SLC25A26: variants seen among roughly 807,000 people sequenced by gnomAD.
SLC25A26 encodes mitochondrial S-adenosylmethionine carrier protein.
Under a neutral mutation model 37.8 loss-of-function variants are expected in SLC25A26, and 36 were observed. That is an observed-to-expected ratio of 0.95 (90% CI 0.73 to 1.26). The LOEUF is 1.26. SLC25A26 is among the 50% of genes most tolerant of loss of function. SLC25A26 has a pLI of 0.00. For synonymous variants in SLC25A26, 129 were observed against 122.5 expected (o/e 1.05, Z -0.35); for missense variants, 390 against 331.1 (o/e 1.18, Z -1.38).
intron 5 of SLC25A26, among the ~76,000 whole-genome samples, chr3:66,286,501 G>C (rs1275280780): frequency 6.6e-6 from 1 of 151,928 alleles, no homozygotes; most frequent in African/African-American, 2.4e-5. Context: ...AAATCAGTTG[G>C]CCAGATTTGT....
At chr3:66,245,318 T>C (rs58879719) in intron 3 of SLC25A26, among the ~76,000 whole-genome samples, 41,055 of 151,290 alleles carry the variant, frequency 0.27, 5,873 homozygotes, top group Admixed American at 0.32. Context: ...AAATAAAAGT[T>C]TCTTCATTCC....
chr3:66,199,749 T>G (rs1201056674), intron 1 of SLC25A26, among the ~76,000 whole-genome samples: 2 of 152,008 alleles, frequency 1.3e-5, no homozygotes, highest in Non-Finnish European at 2.9e-5. Flanking sequence ...GACCCCCAGC[T>G]GCACCCTGTC....
At chr3:66,167,116 A>C (rs1277276537) in intron 1 of SLC25A26, among the ~76,000 whole-genome samples, 5 of 152,132 alleles carry the variant, frequency 3.3e-5, no homozygotes, top group Non-Finnish European at 7.4e-5. Context: ...TTTCCTTATA[A>C]ATTACTCAGG....
chr3:66,362,017 C>T (rs2076719478), intron 6 of SLC25A26, among the ~76,000 whole-genome samples: 1 of 151,938 alleles, frequency 6.6e-6, no homozygotes, highest in African/African-American at 2.4e-5. Context: ...AACACACTTG[C>T]TAGAATGATT....
At chr3:66,247,445 C>T (rs2072901834) in intron 3 of SLC25A26, among the ~76,000 whole-genome samples, 1 of 152,006 alleles carries the variant, frequency 6.6e-6, no homozygotes, top group South Asian at 2.1e-4. Context: ...GTAGCTGGGA[C>T]TGTAGGCAGG....
At chr3:66,312,345 A>T (rs537594383) in intron 5 of SLC25A26, among the ~76,000 whole-genome samples, 1 of 152,028 alleles carries the variant, frequency 6.6e-6, no homozygotes, top group African/African-American at 2.4e-5. Flanking sequence ...ACCAAACCCA[A>T]TCACCCCAGG....
chr3:66,349,655 G>A (rs749220564), intron 6 of SLC25A26, among the ~76,000 whole-genome samples: 21 of 152,028 alleles, frequency 1.4e-4, no homozygotes, highest in African/African-American at 3.6e-4. Flanking sequence ...TAAAGCTGTC[G>A]TAAGTATTTG....
chr3:66,313,566 T>G (rs187119246), intron 5 of SLC25A26, among the ~76,000 whole-genome samples: 96 of 152,332 alleles, frequency 6.3e-4, no homozygotes, highest in African/African-American at 2.2e-3. Flanking sequence ...TGCCTCCAGC[T>G]TTGTTCTTTT....
chr3:66,313,643 C>T lies in SLC25A26; in HGVS notation c.454-32721C>T, dbSNP rs921298540. On this transcript the variant is annotated intron_variant, in intron 5 of 9. Transcript: ENST00000354883. ...CATATGAATTTTAAAATAGTTTCTT[C>T]TGATTCTGTGAAGAATGTTAATGGT... Among the ~76,000 whole-genome samples, 17 of 152,194 alleles carry T rather than the reference C, an allele frequency of 1.1e-4. 1 individual carries two copies. The East Asian group carries it at 2.9e-3, about 26-fold the overall frequency.
chr3:66,152,345 G>A (rs1160857114), intron 1 of SLC25A26, among the ~76,000 whole-genome samples: 4 of 152,312 alleles, frequency 2.6e-5, no homozygotes, highest in African/African-American at 9.6e-5. Context: ...CAATGAGGAT[G>A]CTTTTGGTTG....
At chr3:66,187,817 G>A (rs1042174312) in intron 1 of SLC25A26, among the ~76,000 whole-genome samples, 11 of 151,746 alleles carry the variant, frequency 7.2e-5, no homozygotes, top group South Asian at 2.1e-4. Flanking sequence ...CAATGACCCT[G>A]ACCCTCACTT....
chr3:66,343,825 T>G (rs2076261405), intron 5 of SLC25A26, among the ~76,000 whole-genome samples: 1 of 152,218 alleles, frequency 6.6e-6, no homozygotes, highest in Admixed American at 6.5e-5. Context: ...TAGAAAAGCT[T>G]TTAGAAACCT....
chr3:66,242,653 G>T (rs1013286577), intron 2 of SLC25A26, among the ~76,000 whole-genome samples: 2 of 146,942 alleles, frequency 1.4e-5, no homozygotes, highest in African/African-American at 4.9e-5. Context: ...ATTGTGATAG[G>T]GGTAGCTTTT....
At chr3:66,373,875 G>A (rs1180358419) in intron 9 of SLC25A26, among the ~76,000 whole-genome samples, 2 of 152,016 alleles carry the variant, frequency 1.3e-5, no homozygotes. Context: ...TGCAAACAGA[G>A]GGAGGCTGCT....
At chr3:66,196,061 C>G (rs1207254643) in intron 1 of SLC25A26, among the ~76,000 whole-genome samples, 5 of 152,224 alleles carry the variant, frequency 3.3e-5, no homozygotes, top group African/African-American at 1.2e-4. Flanking sequence ...CATTTATCCT[C>G]TGCATAGACT....
intron 3 of SLC25A26, among the ~76,000 whole-genome samples, chr3:66,259,375 T>C (rs1229356094): frequency 6.6e-6 from 1 of 152,220 alleles, no homozygotes; most frequent in African/African-American, 2.4e-5. Flanking sequence ...TTTCTAGTTT[T>C]ATAGCCATAT....
At chr3:66,286,307 T>A (rs2107479709) in intron 5 of SLC25A26, among the ~76,000 whole-genome samples, 1 of 152,364 alleles carries the variant, frequency 6.6e-6, no homozygotes, top group East Asian at 1.9e-4. Context: ...TGTTTTCTTC[T>A]AAAAGTTTTA....
intron 9 of SLC25A26, among the ~76,000 whole-genome samples, chr3:66,373,946 G>T (rs1373129708): frequency 6.6e-6 from 1 of 151,904 alleles, no homozygotes; most frequent in African/African-American, 2.4e-5. Flanking sequence ...GCTGGGAGCA[G>T]CCTGCAGGGA....
chr3:66,359,566 A>T (rs2076651364), intron 6 of SLC25A26, among the ~76,000 whole-genome samples: 1 of 152,212 alleles, frequency 6.6e-6, no homozygotes, highest in South Asian at 2.1e-4. Flanking sequence ...CATCAACAGA[A>T]ATCTAGTTTA....
Sources: allele counts gnomAD v4.1 joint callset (sites outside exome capture counted in the v4.1 genomes callset), GRCh38; gene constraint gnomAD v4.1.1; transcripts MANE v1.5; gene names NCBI Gene and HGNC (gene_info 2026-07-23, HGNC 2026-07-21).